Variants in MARCHF10 observed in about 807,000 individuals in gnomAD.
The protein encoded by MARCHF10 is probable E3 ubiquitin-protein ligase MARCHF10.
MARCHF10 carries 64 observed loss-of-function variants against 76.2 expected under a neutral mutation model. The observed-to-expected ratio is 0.84, with a 90% CI of 0.69 to 1.03. The LOEUF (loss-of-function observed/expected upper bound fraction) is 1.03. MARCHF10 is among the 50% of genes least tolerant of loss of function. The pLI, the probability that MARCHF10 is intolerant of heterozygous loss-of-function variation, is 0.00. For missense variants in MARCHF10, 875 were observed against 958.0 expected (o/e 0.91, Z 1.14); for synonymous variants, 340 against 357.5 (o/e 0.95, Z 0.55).
At chr17:62,762,084 G>C (rs552200581) in intron 3 of MARCHF10, among the ~76,000 whole-genome samples, 8 of 152,152 alleles carry the variant, frequency 5.3e-5, no homozygotes, top group Admixed American at 4.6e-4. Context: ...TCATCTTCGC[G>C]GATCCATTTC....
At chr17:62,752,068 G>A (rs1334527320) in intron 4 of MARCHF10, among the ~76,000 whole-genome samples, 1 of 151,888 alleles carries the variant, frequency 6.6e-6, no homozygotes, top group Non-Finnish European at 1.5e-5. Flanking sequence ...ACCTATCGTG[G>A]AGGGGTCTCA....
chr17:62,714,317 C>T (rs1470497580), intron 8 of MARCHF10: 16 of 850,578 alleles, frequency 1.9e-5, no homozygotes, highest in Non-Finnish European at 2.3e-5. Flanking sequence ...TTTAACTGTG[C>T]AGGACCAAAG....
chr17:62,716,602 AAAG>A (rs979821560), intron 8 of MARCHF10, among the ~76,000 whole-genome samples: 5 of 152,008 alleles, frequency 3.3e-5, no homozygotes, highest in African/African-American at 7.2e-5. Context: ...TAATAGAAAA[AAAG>A]AAGACCTGCA....
intron 3 of MARCHF10, among the ~76,000 whole-genome samples, chr17:62,764,809 A>T (rs2092290213): frequency 6.6e-6 from 1 of 152,190 alleles, no homozygotes; most frequent in African/African-American, 2.4e-5. Context: ...TCTAGAAAAA[A>T]ACTCTTACAG....
Position 62,724,943 on chromosome 17 carries a change from G to A in MARCHF10, c.2099C>T (p.Thr700Ile). Residue 700 changes from threonine (T) to isoleucine (I), a missense_variant, in exon 7 of 11, where the codon ACA (threonine) becomes ATA (isoleucine). Coordinates refer to ENST00000311269, the MANE Select transcript of MARCHF10 (RefSeq NM_152598.4). ...CLKKWLKVKI[T>I]SGADLGAVKT... ...GCACTTCCTTCCCCACCTACCTGATGTTATTTTCACTTTCAGCCACTTTTT... is the reference window on the plus strand; with the variant it reads ...GCACTTCCTTCCCCACCTACCTGATATTATTTTCACTTTCAGCCACTTTTT... 6.2e-7 allele frequency: 1 copy of A among 1,611,444 alleles called. No homozygotes were observed.
chr17:62,787,080 C>T (rs532947540), intron 3 of MARCHF10, among the ~76,000 whole-genome samples: 5 of 152,288 alleles, frequency 3.3e-5, no homozygotes, highest in African/African-American at 9.6e-5. Context: ...GTTTAATCAG[C>T]AGCAGGCATT....
intron 1 of MARCHF10, among the ~76,000 whole-genome samples, chr17:62,803,954 CA>C (rs1234249319): frequency 6.6e-6 from 1 of 152,094 alleles, no homozygotes; most frequent in African/African-American, 2.4e-5. Context: ...AACTGAGGAC[CA>C]AAGGGATTAA....
At chr17:62,803,973 C>T (rs1247638838) in intron 1 of MARCHF10, among the ~76,000 whole-genome samples, 1 of 152,190 alleles carries the variant, frequency 6.6e-6, no homozygotes, top group Non-Finnish European at 1.5e-5. Flanking sequence ...TAAGTAACTT[C>T]CCTAAAGTTA....
Position 62,705,522 on chromosome 17 carries a change from T to TG in MARCHF10, c.2371+16dup. 1 of 1,614,202 alleles carries TG rather than the reference T, an allele frequency of 6.2e-7. No individual in the cohort carries two copies. The highest frequency in any genetic ancestry group is 8.5e-7 in the Non-Finnish European group (1 of 1,180,034). On this transcript the variant is annotated intron_variant, in intron 10 of 10. Coordinates refer to ENST00000311269, the MANE Select transcript of MARCHF10 (RefSeq NM_152598.4). ...GCAAACACCCTCAAAATGGCAGGAC[T>TG]GGCCCCCAAAACCTACTTTCATTTT...
At chr17:62,710,612 G>A (rs2089876957) in intron 9 of MARCHF10, among the ~76,000 whole-genome samples, 1 of 143,080 alleles carries the variant, frequency 7.0e-6, no homozygotes, top group African/African-American at 2.7e-5. Flanking sequence ...AGGCTGGAGT[G>A]CAGTGGCACA....
At chr17:62,781,383 C>T (rs1196356542) in intron 3 of MARCHF10, among the ~76,000 whole-genome samples, 1 of 152,160 alleles carries the variant, frequency 6.6e-6, no homozygotes, top group African/African-American at 2.4e-5. Flanking sequence ...ACGAGATATG[C>T]ATAATAAGTA....
At chr17:62,780,098 A>G (rs1412394993) in intron 3 of MARCHF10, among the ~76,000 whole-genome samples, 3 of 148,780 alleles carry the variant, frequency 2.0e-5, no homozygotes, top group Admixed American at 6.6e-5. Flanking sequence ...CTCGGTCTAA[A>G]AAAAAAAACA....
At chr17:62,702,295 A>G (rs2089289645) in intron 10 of MARCHF10, among the ~76,000 whole-genome samples, 1 of 151,796 alleles carries the variant, frequency 6.6e-6, no homozygotes, top group Non-Finnish European at 1.5e-5. Flanking sequence ...TTCTTCGGGG[A>G]AACTCTTGTC....
intron 4 of MARCHF10, among the ~76,000 whole-genome samples, chr17:62,745,099 C>T (rs1437957779): frequency 1.4e-5 from 2 of 147,436 alleles, no homozygotes; most frequent in Non-Finnish European, 3.0e-5. Context: ...GAAGTTTTGT[C>T]TTTTTTTCTT....
chr17:62,748,767 T>C (rs548691719), intron 4 of MARCHF10, among the ~76,000 whole-genome samples: 1 of 152,222 alleles, frequency 6.6e-6, no homozygotes, highest in South Asian at 2.1e-4. Flanking sequence ...AACCCTCAAT[T>C]TGTATACCAA....
intron 3 of MARCHF10, among the ~76,000 whole-genome samples, chr17:62,785,403 G>T (rs1009744006): frequency 6.6e-6 from 1 of 152,122 alleles, no homozygotes; most frequent in Non-Finnish European, 1.5e-5. Flanking sequence ...TAAAATGTTA[G>T]ACCTAAAACC....
chr17:62,710,546 C>G (rs964736182), intron 9 of MARCHF10, among the ~76,000 whole-genome samples: 3 of 141,462 alleles, frequency 2.1e-5, no homozygotes, highest in African/African-American at 5.4e-5. Flanking sequence ...CAGTTTGAAC[C>G]CAGCTTTTTT....
intron 9 of MARCHF10, 84 bp from the exon 10 acceptor site, chr17:62,705,665 G>A (rs1257577543): frequency 6.5e-6 from 10 of 1,527,788 alleles, no homozygotes; most frequent in Non-Finnish European, 9.0e-6. Flanking sequence ...TCGCAGCAAC[G>A]TTCTAGGAAT....
At chr17:62,761,642 G>A (rs1338124669) in intron 3 of MARCHF10, among the ~76,000 whole-genome samples, 2 of 152,048 alleles carry the variant, frequency 1.3e-5, no homozygotes, top group African/African-American at 4.8e-5. Context: ...GGCTGGTCTC[G>A]AACTCCTGAC....
Sources: gnomAD v4.1 joint callset for allele counts (sites outside exome capture counted in the v4.1 genomes callset) on GRCh38, gnomAD v4.1.1 for gene constraint, MANE v1.5 for transcripts, NCBI Gene and HGNC (gene_info 2026-07-23, HGNC 2026-07-21) for gene names.